AGO4: variants seen among roughly 807,000 people sequenced by gnomAD.
AGO4 encodes the protein protein argonaute-4.
AGO4 carries 33 observed loss-of-function variants against 104.7 expected under a neutral mutation model. The ratio of observed to expected loss-of-function variants is 0.32; its 90% CI spans 0.24 to 0.42. The LOEUF is 0.42. AGO4 is among the 10% of genes least tolerant of loss of function. The pLI, the probability that AGO4 is intolerant of heterozygous loss-of-function variation, is 1.00. For synonymous variants in AGO4, 331 were observed against 364.7 expected (o/e 0.91, Z 1.05); for missense variants, 711 against 1,083.4 (o/e 0.66, Z 4.83).
At chr1:35,821,735 A>G (rs1415926455) in intron 2 of AGO4, among the ~76,000 whole-genome samples, 2 of 152,290 alleles carry the variant, frequency 1.3e-5, no homozygotes, top group East Asian at 3.9e-4. Flanking sequence ...TAAGACAAGC[A>G]CTTTGGAATA....
intron 1 of AGO4, among the ~76,000 whole-genome samples, chr1:35,814,670 C>T (rs1370608735): frequency 6.6e-6 from 1 of 152,044 alleles, no homozygotes; most frequent in Non-Finnish European, 1.5e-5. Context: ...AGGACGGATC[C>T]TCTAGTCTGG....
intron 2 of AGO4, among the ~76,000 whole-genome samples, chr1:35,819,588 C>T (rs1236229852): frequency 6.6e-6 from 1 of 151,654 alleles, no homozygotes; most frequent in Non-Finnish European, 1.5e-5. Flanking sequence ...ATTAGCTGGT[C>T]ATGGTATGGT....
chr1:35,827,790 C>CTTTTTTTTTTTTTTTTTTTTTT (rs142432459), intron 7 of AGO4, among the ~76,000 whole-genome samples: 1 of 103,850 alleles, frequency 9.6e-6, no homozygotes, highest in Non-Finnish European at 1.9e-5. Flanking sequence ...TGTTGTTATT[C>CTTTTTTTTTTTTTTTTTTTTTT]TTTTTTTTTT....
chr1:35,808,339 G>A lies in AGO4; in HGVS notation c.-78G>A. The A allele has an allele frequency of 1.8e-6, 1 of 554,380 alleles. No homozygotes were observed. The highest frequency in any genetic ancestry group is 1.4e-4 in the East Asian group (1 of 7,194). The allele number at this position is 554,380 out of a possible 1,614,324, so 34.3% of individuals were successfully genotyped here. A position where few individuals can be genotyped will look rare whatever the true frequency, so the allele number is the denominator to read the frequency against. ...CAATATTCCGGAGATCAAGCGTTACGCGGCGGCGGCGGCGGCGGCGGCGGG... is the reference window on the plus strand; with the variant it reads ...CAATATTCCGGAGATCAAGCGTTACACGGCGGCGGCGGCGGCGGCGGCGGG... On this transcript the variant is annotated 5_prime_UTR_variant, in exon 1 of 18. Transcript: ENST00000373210. The surrounding 1 kb of genome is among the most constrained non-coding windows in gnomAD (Gnocchi z 5.2).
chr1:35,810,704 A>G (rs1434366008), intron 1 of AGO4, among the ~76,000 whole-genome samples: 2 of 152,058 alleles, frequency 1.3e-5, no homozygotes, highest in African/African-American at 4.8e-5. Context: ...TGAAATAAAG[A>G]CCTGAGTTTG....
chr1:35,816,138 C>G (rs1371104719), intron 1 of AGO4, among the ~76,000 whole-genome samples: 1 of 152,084 alleles, frequency 6.6e-6, no homozygotes, highest in Non-Finnish European at 1.5e-5. Context: ...TAATCTTCTC[C>G]TATATGTACA....
chr1:35,834,434 T>C (rs954114838), intron 12 of AGO4, among the ~76,000 whole-genome samples: 1 of 152,156 alleles, frequency 6.6e-6, no homozygotes, highest in Non-Finnish European at 1.5e-5. Context: ...CATTCTTTTT[T>C]CTCTCTGCAA....
chr1:35,819,154 A>G (rs1399982252), intron 2 of AGO4, among the ~76,000 whole-genome samples: 1 of 152,162 alleles, frequency 6.6e-6, no homozygotes, highest in Non-Finnish European at 1.5e-5. Context: ...ATTAGTCATG[A>G]TCAATTCCAG....
At chr1:35,812,752 T>C (rs890677409) in intron 1 of AGO4, among the ~76,000 whole-genome samples, 1 of 151,964 alleles carries the variant, frequency 6.6e-6, no homozygotes, top group South Asian at 2.1e-4. Context: ...CCACCACACC[T>C]AGCTAATTTT....
chr1:35,851,171 C>G (rs757422575), intron 17 of AGO4, 118 bp downstream of exon 17: 105 of 1,056,744 alleles, frequency 9.9e-5, no homozygotes, highest in Non-Finnish European at 1.4e-4. Context: ...TTGTAAGAAG[C>G]AAATAAAATT....
intron 13 of AGO4, among the ~76,000 whole-genome samples, chr1:35,837,241 C>T (rs547691889): frequency 6.3e-4 from 96 of 152,106 alleles, no homozygotes; most frequent in Non-Finnish European, 1.2e-3. Flanking sequence ...CACCACCATG[C>T]CCCACTATTT....
chr1:35,853,067 G>A lies in AGO4; in HGVS notation c.2478-430G>A, dbSNP rs371672475. Among the ~76,000 whole-genome samples, 18 of 152,128 alleles carry A rather than the reference G, an allele frequency of 1.2e-4. No individual in the cohort carries two copies. The East Asian group carries it at 1.5e-3, about 13-fold the overall frequency. ...AGATCGAGACCATCCTGGCTAACAT[G>A]GTGAAACCCCGTCTCTAGTAAAAAT... On this transcript the variant is annotated intron_variant, in intron 17 of 17. Transcript: ENST00000373210.
chr1:35,815,162 G>A (rs1643652350), intron 1 of AGO4, among the ~76,000 whole-genome samples: 1 of 152,192 alleles, frequency 6.6e-6, no homozygotes, highest in Admixed American at 6.5e-5. Flanking sequence ...ACAGGTGTGA[G>A]CCACCACGCC....
At chr1:35,851,164 T>A in intron 17 of AGO4, 111 bp downstream of exon 17, 2 of 1,125,328 alleles carry the variant, frequency 1.8e-6, no homozygotes, top group Non-Finnish European at 2.5e-6. Flanking sequence ...GTTTAAATTG[T>A]AAGAAGCAAA....
At chr1:35,819,905 A>T (rs1391034635) in intron 2 of AGO4, among the ~76,000 whole-genome samples, 1 of 152,136 alleles carries the variant, frequency 6.6e-6, no homozygotes, top group East Asian at 1.9e-4. Context: ...TTGATGATAA[A>T]GCCATGAGAC....
chr1:35,837,375 C>T (rs189000122), intron 13 of AGO4, among the ~76,000 whole-genome samples: 23 of 149,966 alleles, frequency 1.5e-4, no homozygotes, highest in African/African-American at 4.4e-4. Flanking sequence ...TGAGCCACCG[C>T]GCCTGGCCTG....
chr1:35,852,247 T>TTAAGAG (rs1257267317), intron 17 of AGO4, among the ~76,000 whole-genome samples: 1 of 152,152 alleles, frequency 6.6e-6, no homozygotes, highest in Non-Finnish European at 1.5e-5. Flanking sequence ...GACTTAACAG[T>TTAAGAG]TAATTGGATA....
chr1:35,850,749 C>T, intron 16 of AGO4, 105 bp from the exon 17 acceptor site: 2 of 916,964 alleles, frequency 2.2e-6, no homozygotes, highest in Non-Finnish European at 3.2e-6. Context: ...CCACTGCACT[C>T]CAGCCTAGGT....
chr1:35,815,945 G>T (rs1204293826), intron 1 of AGO4, among the ~76,000 whole-genome samples: 1 of 152,168 alleles, frequency 6.6e-6, no homozygotes, highest in Non-Finnish European at 1.5e-5. Context: ...CCATAGTACA[G>T]GTTAGGCATG....
Sources: gnomAD v4.1 joint callset for allele counts (sites outside exome capture counted in the v4.1 genomes callset) on GRCh38, gnomAD v4.1.1 for gene constraint, Gnocchi (gnomAD v3.1) non-coding constraint, MANE v1.5 for transcripts, NCBI Gene and HGNC (gene_info 2026-07-23, HGNC 2026-07-21) for gene names.